The following GLIS1 variants were observed in gnomAD, a reference collection of about 807,000 sequenced individuals.
The protein encoded by GLIS1 is zinc finger protein GLIS1.
Under a neutral mutation model 63.8 loss-of-function variants are expected in GLIS1, and 24 were observed. That is an observed-to-expected ratio of 0.38 (90% CI 0.27 to 0.53). The LOEUF (loss-of-function observed/expected upper bound fraction) is 0.53, where lower values mean the gene tolerates loss of function less well. GLIS1 is among the 20% of genes least tolerant of loss of function. The pLI is 0.85. For synonymous variants in GLIS1, 450 were observed against 482.5 expected, an observed-to-expected ratio of 0.93 and a Z score of 0.88; for missense variants, 1,036 against 1,074.1, an observed-to-expected ratio of 0.96 and a Z score of 0.50.
chr1:53,556,538 G>GGT (rs1491242419), intron 4 of GLIS1, among the ~76,000 whole-genome samples: 4 of 93,898 alleles, frequency 4.3e-5, no homozygotes, highest in Non-Finnish European at 5.9e-5. Flanking sequence ...GTGTACTGCA[G>GGT]GTGTGTGTGT....
In GLIS1 at chr1:53,529,946, C is replaced by T. The variant is rs1325581429; in HGVS notation, c.1327G>A (p.Gly443Ser). The T allele has an allele frequency of 6.2e-7, 1 of 1,613,276 alleles. No homozygotes were observed. Among genetic ancestry groups the T allele is most frequent in the East Asian group, 2.2e-5 (1 of 44,874 alleles). Residue 443 changes from glycine (G) to serine (S), a missense_variant, in exon 5 of 11, where the codon GGC becomes AGC. Physicochemically the swap from Gly to Ser is moderately conservative, Grantham distance 56. Around this residue, in one of 3 missense-constraint regions of GLIS1, gnomAD observed 44 missense variants for 79.3 expected, o/e 0.55. Coordinates refer to ENST00000628545, the MANE Select transcript of GLIS1 (RefSeq NM_001367484.1). ...AGCCGTGAGAAGGCCTTGCTGCAGC[C>T]TTCAAACTGCAGGAGAGGCTGGTGA... ...GEKPNKCMFE[G>S]CSKAFSRLEN...
In GLIS1 at chr1:53,506,561, GC is replaced by G; in HGVS notation, c.*57del. The G allele has an allele frequency of 6.4e-7, 1 of 1,564,198 alleles. No individual in the cohort carries two copies. The highest frequency in any genetic ancestry group is 1.7e-5 in the Admixed American group (1 of 59,342). On this transcript the variant is annotated 3_prime_UTR_variant, in exon 11 of 11. Transcript: ENST00000628545. ...AGGTGCACGGAGGGTGGGAGCGACA[GC>G]AGGTGGGCGAGGTGGCATCTGCAGT...
At chr1:53,509,809 T>C (rs764915570) in intron 9 of GLIS1, 40 bp downstream of exon 9, 44 of 1,207,110 alleles carry the variant, frequency 3.6e-5, no homozygotes, top group Admixed American at 2.1e-4. Flanking sequence ...TAAGTGGGAA[T>C]TGGGGGGTTA....
In GLIS1 at chr1:53,594,008, C is replaced by T. The variant is rs963737000; in HGVS notation, c.1320+100G>A. On this transcript the variant is annotated intron_variant, in intron 4 of 10. Transcript: ENST00000628545. ...CTCAACCACAGGGATCTCAGCCAGC[C>T]CAGAGGACGGAGTCCCAGGCGGCCT... 3.7e-6 allele frequency: 5 copies of T among 1,364,970 alleles called. No homozygotes were observed. The African/African-American group carries it at 4.4e-5, about 12-fold the overall frequency. 84.6% of individuals were successfully genotyped at this position (1,364,970 alleles called of 1,614,324 possible).
chr1:53,642,388 CA>C (rs1314525780), intron 2 of GLIS1, among the ~76,000 whole-genome samples: 1 of 152,182 alleles, frequency 6.6e-6, no homozygotes, highest in African/African-American at 2.4e-5. Flanking sequence ...CACTACTCTG[CA>C]GTGCTGTCAG....
chr1:53,618,933 C>CA (rs1305853521), intron 2 of GLIS1, among the ~76,000 whole-genome samples: 1 of 152,224 alleles, frequency 6.6e-6, no homozygotes, highest in African/African-American at 2.4e-5. Context: ...CTGTCTTAGG[C>CA]AGCAACCAGA....
chr1:53,678,529 T>C (rs1646240437), intron 2 of GLIS1, among the ~76,000 whole-genome samples: 1 of 151,924 alleles, frequency 6.6e-6, no homozygotes, highest in African/African-American at 2.4e-5. Flanking sequence ...GAGAAAAGGC[T>C]GGTACCTGCA....
intron 4 of GLIS1, among the ~76,000 whole-genome samples, chr1:53,536,344 G>A (rs1403624497): frequency 6.6e-6 from 1 of 152,074 alleles, no homozygotes; most frequent in Admixed American, 6.5e-5. Flanking sequence ...AAGAATAGGT[G>A]GTTAGGTTTT....
Position 53,509,029 on chromosome 1 carries a change from A to G in GLIS1, c.2230+91T>C, listed in dbSNP as rs141453804. 62 of 1,305,638 alleles carry G rather than the reference A, an allele frequency of 4.7e-5. No homozygotes were observed. In the African/African-American group the frequency reaches 7.7e-4, roughly 16 times the overall value. 80.9% of individuals were successfully genotyped at this position (1,305,638 alleles called of 1,614,324 possible). On this transcript the variant is annotated intron_variant, in intron 10 of 10. Transcript: ENST00000628545. ...GGATGGCCCCACCACATAAGCATCC[A>G]AAGGCTGCAGGACAGCACGTATGCA...
At position 53,646,717 on chromosome 1, in the gene GLIS1, G is replaced by A. The variant is rs1304878613; in HGVS notation, c.260-46439C>T. 6.6e-6 allele frequency among the ~76,000 whole-genome samples: 1 copy of A among 152,112 alleles called. No homozygotes were observed. The highest frequency in any genetic ancestry group is 6.5e-5 in the Admixed American group (1 of 15,272). On this transcript the variant is annotated intron_variant, in intron 2 of 10. Coordinates refer to ENST00000628545, the MANE Select transcript of GLIS1 (RefSeq NM_001367484.1). This position sits in a 1 kb window ranked among gnomAD's most constrained non-coding sequence, Gnocchi z 4.2. ...CCCAGCTACTTGGGAGGCTAAGGGAGGAGGACTGTTTGAACCTGGTAGGCA... is the reference window on the plus strand; with the variant it reads ...CCCAGCTACTTGGGAGGCTAAGGGAAGAGGACTGTTTGAACCTGGTAGGCA...
intron 2 of GLIS1, among the ~76,000 whole-genome samples, chr1:53,698,872 C>T (rs1366443147): frequency 6.6e-6 from 1 of 152,170 alleles, no homozygotes; most frequent in African/African-American, 2.4e-5. Context: ...GTGCGGGCAG[C>T]ACCAAACCCC....
chr1:53,711,673 G>A (rs1223713249), intron 2 of GLIS1, among the ~76,000 whole-genome samples: 7 of 152,204 alleles, frequency 4.6e-5, no homozygotes, highest in Non-Finnish European at 1.0e-4. Flanking sequence ...ATAGGGAAAA[G>A]AACTGTTTCA....
intron 2 of GLIS1, among the ~76,000 whole-genome samples, chr1:53,660,355 C>T (rs1212834865): frequency 2.0e-5 from 3 of 152,184 alleles, no homozygotes; most frequent in South Asian, 4.1e-4. Flanking sequence ...TCATCCAGCA[C>T]GTATTATGTG....
chr1:53,708,830 G>A (rs1366278607), intron 2 of GLIS1, among the ~76,000 whole-genome samples: 6 of 152,242 alleles, frequency 3.9e-5, no homozygotes, highest in Admixed American at 1.3e-4. Flanking sequence ...GCTGGGGAGC[G>A]TTATCTTTGT....
At chr1:53,542,398 C>T (rs141189676) in intron 4 of GLIS1, among the ~76,000 whole-genome samples, 250 of 152,342 alleles carry the variant, frequency 1.6e-3, no homozygotes, top group Non-Finnish European at 2.8e-3. Flanking sequence ...ATGATGTTTC[C>T]GCCATAAACC....
At chr1:53,593,723 A>C (rs951717985) in intron 4 of GLIS1, among the ~76,000 whole-genome samples, 1 of 152,194 alleles carries the variant, frequency 6.6e-6, no homozygotes, top group Non-Finnish European at 1.5e-5. Context: ...GGAGGAGAGT[A>C]TGTTCTCCAC....
In GLIS1 at chr1:53,712,121, C is replaced by G. The variant is rs143215059; in HGVS notation, c.259+25685G>C. On this transcript the variant is annotated intron_variant, in intron 2 of 10. Coordinates refer to ENST00000628545, the MANE Select transcript of GLIS1 (RefSeq NM_001367484.1). ...GAGTCCAGTTTTCATTCTGGCCCATCTCTGCTCTGGCAACACCAAATTCCT... is the reference window on the plus strand; with the variant it reads ...GAGTCCAGTTTTCATTCTGGCCCATGTCTGCTCTGGCAACACCAAATTCCT... 9.2e-5 allele frequency among the ~76,000 whole-genome samples: 14 copies of G among 152,308 alleles called. 1 individual carries two copies. In the South Asian group the frequency reaches 1.7e-3, roughly 18 times the overall value.
intron 1 of GLIS1, among the ~76,000 whole-genome samples, chr1:53,738,772 C>G (rs965801495): frequency 6.6e-6 from 1 of 152,200 alleles, no homozygotes; most frequent in Non-Finnish European, 1.5e-5. Context: ...CGCAAACCGG[C>G]ACAGTGGGCA....
At chr1:53,698,324 G>A (rs769077984) in intron 2 of GLIS1, among the ~76,000 whole-genome samples, 9 of 152,068 alleles carry the variant, frequency 5.9e-5, no homozygotes, top group African/African-American at 1.7e-4. Flanking sequence ...GAAGACTTCC[G>A]AGTCCCTGAT....
Sources: gnomAD v4.1 joint callset for allele counts (sites outside exome capture counted in the v4.1 genomes callset) on GRCh38, gnomAD v4.1.1 for gene constraint, gnomAD v4.1.1 regional missense constraint, Gnocchi (gnomAD v3.1) non-coding constraint, MANE v1.5 for transcripts, NCBI Gene and HGNC (gene_info 2026-07-23, HGNC 2026-07-21) for gene names.